Variants in SNRK observed in about 807,000 individuals in gnomAD.
The protein encoded by SNRK is SNF related kinase.
In SNRK, 3 loss-of-function variants were observed where a neutral mutation model predicts 48.2. That is an observed-to-expected ratio of 0.06 (90% CI 0.03 to 0.16). SNRK has a LOEUF of 0.16. SNRK is among the 10% of genes least tolerant of loss of function. SNRK has a pLI of 1.00. For synonymous variants in SNRK, 376 were observed against 366.1 expected (o/e 1.03, Z -0.31); for missense variants, 627 against 976.0 (o/e 0.64, Z 4.76).
At position 43,348,622 on chromosome 3, in the gene SNRK, T is replaced by C. The variant is rs531546554; in HGVS notation, c.*65T>C. On this transcript the variant is annotated 3_prime_UTR_variant, in exon 7 of 7. Coordinates refer to ENST00000296088, the MANE Select transcript of SNRK (RefSeq NM_017719.5). ...AGCAGTGAAGACCGGCTCACTTCAC[T>C]GTTCCATTTGGTTTTACTATTTTAA... 9.8e-6 allele frequency: 14 copies of C among 1,424,788 alleles called. No individual in the cohort carries two copies. In the East Asian group the frequency reaches 1.0e-4, roughly 10 times the overall value. The allele number at this position is 1,424,788 out of a possible 1,614,324, so 88.3% of individuals were successfully genotyped here.
chr3:43,315,329 A>T (rs548734881), intron 3 of SNRK: 1 of 152,272 alleles, frequency 6.6e-6, no homozygotes, highest in Non-Finnish European at 1.5e-5. Flanking sequence ...AGATGCTATT[A>T]ATGTATTTAT....
Position 43,347,975 on chromosome 3 carries a change from G to A in SNRK, c.1716G>A (p.Gly572=), listed in dbSNP as rs760242049. The A allele has an allele frequency of 2.4e-5, 39 of 1,613,918 alleles. No homozygotes were observed. The highest frequency in any genetic ancestry group is 3.1e-5 in the Non-Finnish European group (37 of 1,180,030). The change falls in exon 7 of 7, where the codon GGG becomes GGA. Residue 572 remains glycine, a synonymous_variant. Transcript: ENST00000296088. This position sits in a 1 kb window ranked among gnomAD's most constrained non-coding sequence, Gnocchi z 5.4. The part of the protein sequence containing the change: ...YSWHRRDSSE[G]PPGSEGDGGG... ...GGCACCGACGGGATAGCAGCGAGGG[G>A]CCCCCTGGCAGTGAGGGGGATGGCG...
intron 1 of SNRK, among the ~76,000 whole-genome samples, chr3:43,297,440 C>A (rs1426565227): frequency 6.6e-6 from 1 of 152,080 alleles, no homozygotes; most frequent in African/African-American, 2.4e-5. Context: ...TGACATCCCC[C>A]CAAGCCCGTA....
intron 3 of SNRK, among the ~76,000 whole-genome samples, chr3:43,328,305 GTT>G (rs1287719284): frequency 1.4e-5 from 2 of 144,306 alleles, no homozygotes. Flanking sequence ...TGTTAACACG[GTT>G]TTTTTTTTTT....
intron 3 of SNRK, among the ~76,000 whole-genome samples, chr3:43,309,612 G>GTTTTTTTTTTT (rs35398476): frequency 7.0e-6 from 1 of 143,196 alleles, no homozygotes. Context: ...TAGAAATAAG[G>GTTTTTTTTTTT]TTTTTTTTTT....
chr3:43,308,753 C>T (rs138991802), intron 3 of SNRK, among the ~76,000 whole-genome samples: 1 of 152,336 alleles, frequency 6.6e-6, no homozygotes, highest in East Asian at 1.9e-4. Context: ...AACACAGCAT[C>T]CATTCTGCAG....
intron 1 of SNRK, among the ~76,000 whole-genome samples, chr3:43,294,575 G>C (rs1029772682): frequency 6.6e-6 from 1 of 152,060 alleles, no homozygotes; most frequent in African/African-American, 2.4e-5. Flanking sequence ...TCACCTTAGG[G>C]ATGCTCAACC....
intron 4 of SNRK, among the ~76,000 whole-genome samples, chr3:43,337,891 A>G (rs1459491450): frequency 1.3e-5 from 2 of 152,066 alleles, no homozygotes; most frequent in Non-Finnish European, 2.9e-5. Flanking sequence ...TGGGGATTAT[A>G]ATTCAAAATT....
At chr3:43,322,519 C>G (rs2091061419) in intron 3 of SNRK, among the ~76,000 whole-genome samples, 1 of 152,024 alleles carries the variant, frequency 6.6e-6, no homozygotes, top group African/African-American at 2.4e-5. Context: ...TCTTACAAAT[C>G]AATGACAAAC....
At chr3:43,291,228 T>C (rs1338066844) in intron 1 of SNRK, among the ~76,000 whole-genome samples, 1 of 152,236 alleles carries the variant, frequency 6.6e-6, no homozygotes, top group Non-Finnish European at 1.5e-5. Flanking sequence ...CTGAAAAGCC[T>C]CTTCCTTACC....
At chr3:43,297,897 A>G (rs866110636) in intron 1 of SNRK, among the ~76,000 whole-genome samples, 2 of 152,174 alleles carry the variant, frequency 1.3e-5, no homozygotes, top group Non-Finnish European at 2.9e-5. Flanking sequence ...AGGAAACTGA[A>G]CAGCAGTTCA....
chr3:43,295,218 A>C (rs780691083), intron 1 of SNRK, among the ~76,000 whole-genome samples: 3 of 152,112 alleles, frequency 2.0e-5, no homozygotes, highest in Non-Finnish European at 2.9e-5. Context: ...GATTTGCCTA[A>C]CTCCTGAGTA....
chr3:43,299,033 A>G (rs1226615890), intron 1 of SNRK, among the ~76,000 whole-genome samples: 3 of 152,142 alleles, frequency 2.0e-5, no homozygotes, highest in South Asian at 2.1e-4. Context: ...CAGGCTGAGC[A>G]TGATTGGAGC....
At chr3:43,299,093 C>T (rs1178639651) in intron 1 of SNRK, among the ~76,000 whole-genome samples, 4 of 152,028 alleles carry the variant, frequency 2.6e-5, no homozygotes, top group Non-Finnish European at 2.9e-5. Flanking sequence ...ACCTACTATG[C>T]AGTTTCATGG....
chr3:43,313,815 TTTG>T (rs763490672), intron 3 of SNRK, among the ~76,000 whole-genome samples: 1 of 152,210 alleles, frequency 6.6e-6, no homozygotes, highest in Non-Finnish European at 1.5e-5. Flanking sequence ...TACCTTTCCA[TTTG>T]TTTTGTTGGC....
chr3:43,286,831 G>A (rs2090767795), intron 1 of SNRK, among the ~76,000 whole-genome samples, 156 bp downstream of exon 1: 1 of 146,128 alleles, frequency 6.8e-6, no homozygotes, highest in African/African-American at 2.5e-5. Context: ...CTCGGCGCCG[G>A]CCGCAGCGCG....
rs778347997 is a variant in SNRK, at chr3:43,347,352, A to G, written c.1093A>G (p.Thr365Ala). 1.3e-6 allele frequency: 2 copies of G among 1,569,162 alleles called. No individual in the cohort carries two copies. Among genetic ancestry groups the G allele is most frequent in the Non-Finnish European group, 1.7e-6 (2 of 1,158,042 alleles). Reference sequence around the variant, plus strand: ...TCTGTTACATAGGCAGTCATGGCCAACCAAAATTGATGTACCCCAGGACCT... The same window carrying G: ...TCTGTTACATAGGCAGTCATGGCCAGCCAAAATTGATGTACCCCAGGACCT... ...IKAQFRQSWPTKIDVPQDLED... is the reference protein window; with the variant it reads ...IKAQFRQSWPAKIDVPQDLED... The change falls in exon 7 of 7, where the codon ACC (threonine) becomes GCC (alanine). Residue 365 changes from threonine (T) to alanine (A), a missense_variant. By Grantham distance (58) the Thr-to-Ala change is moderately conservative. This residue lies in a region of SNRK where 175 missense variants were observed against 209.7 expected (regional missense o/e 0.83). Transcript: ENST00000296088. The surrounding 1 kb of genome is among the most constrained non-coding windows in gnomAD (Gnocchi z 5.4).
At chr3:43,288,247 A>T (rs1309426701) in intron 1 of SNRK, among the ~76,000 whole-genome samples, 1 of 152,060 alleles carries the variant, frequency 6.6e-6, no homozygotes, top group Non-Finnish European at 1.5e-5. Context: ...ATTTTTTTTT[A>T]AATTTGTATA....
chr3:43,347,308 C>CT lies in SNRK; in HGVS notation c.1080-25dup, dbSNP rs748662634. 6 of 1,521,730 alleles carry CT rather than the reference C, an allele frequency of 3.9e-6. No individual in the cohort carries two copies. The highest frequency in any genetic ancestry group is 1.3e-5 in the South Asian group (1 of 76,026). The allele number at this position is 1,521,730 out of a possible 1,614,324, so 94.3% of individuals were successfully genotyped here. ...TATCATCTGCATAATGATTATATGG[C>CT]TTTTTTCCCCCCAATCTATCTGTTA... On this transcript the variant is annotated intron_variant, in intron 6 of 6. Coordinates refer to ENST00000296088, the MANE Select transcript of SNRK (RefSeq NM_017719.5). The surrounding 1 kb of genome is among the most constrained non-coding windows in gnomAD (Gnocchi z 5.4).
Sources: allele counts gnomAD v4.1 joint callset (sites outside exome capture counted in the v4.1 genomes callset), GRCh38; gene constraint gnomAD v4.1.1; regional missense constraint gnomAD v4.1.1; non-coding constraint Gnocchi (gnomAD v3.1); transcripts MANE v1.5; gene names NCBI Gene and HGNC (gene_info 2026-07-23, HGNC 2026-07-21).